CA8: variants seen among roughly 807,000 people sequenced by gnomAD.
CA8 encodes the protein carbonic anhydrase-related protein.
Under a neutral mutation model 41.4 loss-of-function variants are expected in CA8, and 22 were observed. The observed-to-expected ratio is 0.53, with a 90% CI of 0.38 to 0.76. The LOEUF is 0.76. CA8 is among the 30% of genes least tolerant of loss of function. The probability of loss-of-function intolerance (pLI) is 0.00; values close to 1 mark genes in which losing one functional copy is unlikely to be tolerated. For synonymous variants in CA8, 121 were observed against 130.6 expected (o/e 0.93, Z 0.50); for missense variants, 270 against 352.8 (o/e 0.77, Z 1.88).
chr8:60,238,477 T>C lies in CA8; in HGVS notation c.418-6098A>G, dbSNP rs1004729210. On this transcript the variant is annotated intron_variant, in intron 3 of 8. Coordinates refer to ENST00000317995, the MANE Select transcript of CA8 (RefSeq NM_004056.6). The stretch of plus-strand genomic sequence containing the variant: ...CTTCTTGACACCTCAAGATGAACAT[T>C]TCTACAACTGACATCAACCCTCTTC... Among the ~76,000 whole-genome samples, 8 of 152,066 alleles carry C rather than the reference T, an allele frequency of 5.3e-5. 1 individual carries two copies. In the East Asian group the frequency reaches 1.5e-3, roughly 29 times the overall value.
At chr8:60,198,282 C>T (rs1292917871) in intron 8 of CA8, among the ~76,000 whole-genome samples, 3 of 152,078 alleles carry the variant, frequency 2.0e-5, no homozygotes, top group Non-Finnish European at 4.4e-5. Context: ...AGGATTGTTA[C>T]GAGGACTAAA....
chr8:60,224,442 T>G, intron 6 of CA8, 95 bp downstream of exon 6: 2 of 781,682 alleles, frequency 2.6e-6, no homozygotes, highest in South Asian at 3.1e-5. Flanking sequence ...ATAAGTTTTA[T>G]TAATTAACAA....
At chr8:60,218,640 G>A (rs1336070062) in intron 7 of CA8, among the ~76,000 whole-genome samples, 2 of 152,266 alleles carry the variant, frequency 1.3e-5, no homozygotes, top group African/African-American at 4.8e-5. Flanking sequence ...GAATGCATTC[G>A]AGTATCATAA....
At position 60,190,938 on chromosome 8, in the gene CA8, C is replaced by CTA. The variant is rs35486936; in HGVS notation, c.*36-955_*36-954dup. ...GTGGACACACCTGCACACACACACA[C>CTA]TATATATATATATATATATACACAC... On this transcript the variant is annotated intron_variant, in intron 8 of 8. Transcript: ENST00000317995. Among the ~76,000 whole-genome samples the CTA allele has an allele frequency of 3.1e-3, 367 of 117,338 alleles. 18 individuals are homozygous for CTA. The South Asian group carries it at 0.033, about 11-fold the overall frequency. The allele number at this position is 117,338 out of a possible 152,430, so 77.0% of individuals were successfully genotyped here. A position where few individuals can be genotyped will look rare whatever the true frequency, so the allele number is the denominator to read the frequency against.
intron 3 of CA8, among the ~76,000 whole-genome samples, chr8:60,257,656 C>G (rs185393244): frequency 6.6e-6 from 1 of 152,302 alleles, no homozygotes; most frequent in Non-Finnish European, 1.5e-5. Context: ...AACTCTTCCC[C>G]ATCAAGAAAA....
intron 3 of CA8, among the ~76,000 whole-genome samples, chr8:60,251,012 T>C (rs1464103418): frequency 6.6e-6 from 1 of 152,176 alleles, no homozygotes; most frequent in Non-Finnish European, 1.5e-5. Context: ...ATAATAGCTA[T>C]ATATATATTT....
chr8:60,212,812 A>T (rs1262271748), intron 7 of CA8, among the ~76,000 whole-genome samples: 1 of 152,198 alleles, frequency 6.6e-6, no homozygotes, highest in Non-Finnish European at 1.5e-5. Context: ...GACCCAGTAA[A>T]ATATTTTAAC....
At chr8:60,190,957 T>TATATATATATATAAATATATATACACAC in intron 8 of CA8, among the ~76,000 whole-genome samples, 1 of 104,244 alleles carries the variant, frequency 9.6e-6, no homozygotes, top group South Asian at 3.1e-4. Context: ...TATATATATA[T>TATATATATATATAAATATATATACACAC]ACACACACAC....
chr8:60,213,579 G>A (rs1806914697), intron 7 of CA8, among the ~76,000 whole-genome samples: 1 of 152,202 alleles, frequency 6.6e-6, no homozygotes. Context: ...AATTTGGCTT[G>A]TCCAATCTGA....
At chr8:60,226,429 A>C (rs1052462989) in intron 5 of CA8, among the ~76,000 whole-genome samples, 1 of 152,210 alleles carries the variant, frequency 6.6e-6, no homozygotes, top group Non-Finnish European at 1.5e-5. Flanking sequence ...GATGCTGACA[A>C]TGTGACTTAT....
chr8:60,225,482 G>A (rs1807401656), intron 5 of CA8, among the ~76,000 whole-genome samples: 1 of 152,146 alleles, frequency 6.6e-6, no homozygotes, highest in Admixed American at 6.5e-5. Flanking sequence ...CACTGCAGTT[G>A]TACAAATATA....
chr8:60,215,783 A>C (rs1261550720), intron 7 of CA8, among the ~76,000 whole-genome samples: 1 of 152,126 alleles, frequency 6.6e-6, no homozygotes, highest in Non-Finnish European at 1.5e-5. Flanking sequence ...TGGGCTTAAC[A>C]GTCCACACTA....
At chr8:60,209,654 T>A (rs745354200) in intron 7 of CA8, among the ~76,000 whole-genome samples, 2 of 152,246 alleles carry the variant, frequency 1.3e-5, no homozygotes, top group Non-Finnish European at 2.9e-5. Flanking sequence ...ATTTATCAGA[T>A]AGATTCAAGG....
At chr8:60,206,541 G>GC (rs1403985088) in intron 8 of CA8, among the ~76,000 whole-genome samples, 1 of 152,118 alleles carries the variant, frequency 6.6e-6, no homozygotes, top group African/African-American at 2.4e-5. Flanking sequence ...CTGGAGAAAT[G>GC]CATAAATTCA....
intron 7 of CA8, among the ~76,000 whole-genome samples, chr8:60,215,578 T>C (rs1463006614): frequency 1.3e-5 from 2 of 152,102 alleles, no homozygotes; most frequent in East Asian, 3.9e-4. Context: ...AAAATTTTAA[T>C]AAAGTTATGT....
At chr8:60,279,192 G>C (rs1804331879) in intron 2 of CA8, among the ~76,000 whole-genome samples, 1 of 152,142 alleles carries the variant, frequency 6.6e-6, no homozygotes, top group African/African-American at 2.4e-5. Flanking sequence ...TTTAGAGGCT[G>C]TTTCTTATTG....
Position 60,218,443 on chromosome 8 carries a change from CAAAT to C in CA8, c.738+4202_738+4205del, listed in dbSNP as rs200609206. On this transcript the variant is annotated intron_variant, in intron 7 of 8. Coordinates refer to ENST00000317995, the MANE Select transcript of CA8 (RefSeq NM_004056.6). ...CACATAGCAAATGTCGAATAATTGCCAAATAAATGAATGAATGAATGCATGCATT... is the reference window on the plus strand; with the variant it reads ...CACATAGCAAATGTCGAATAATTGCCAAATGAATGAATGAATGCATGCATT... Among the ~76,000 whole-genome samples, 182 of 152,030 alleles carry C rather than the reference CAAAT, an allele frequency of 1.2e-3. 1 individual carries two copies. The East Asian group carries it at 0.028, about 23-fold the overall frequency.
chr8:60,254,802 A>T (rs111592096), intron 3 of CA8, among the ~76,000 whole-genome samples: 2 of 152,160 alleles, frequency 1.3e-5, no homozygotes, highest in African/African-American at 4.8e-5. Context: ...ACAAATAAGC[A>T]AGCCCTGGAT....
Position 60,254,768 on chromosome 8 carries a change from C to T in CA8, c.417+11157G>A, listed in dbSNP as rs180762268. Among the ~76,000 whole-genome samples, 446 of 152,244 alleles carry T rather than the reference C, an allele frequency of 2.9e-3. 3 individuals carry two copies. Among genetic ancestry groups the T allele is most frequent in the African/African-American group, 0.01 (422 of 41,540 alleles). ...AGATGGTAAATTGCACAAAAACCCACCCAAGTAAATTAGAAAAGAAAAAAC... is the reference window on the plus strand; with the variant it reads ...AGATGGTAAATTGCACAAAAACCCATCCAAGTAAATTAGAAAAGAAAAAAC... On this transcript the variant is annotated intron_variant, in intron 3 of 8. Coordinates refer to ENST00000317995, the MANE Select transcript of CA8 (RefSeq NM_004056.6).
Sources: allele counts gnomAD v4.1 joint callset (sites outside exome capture counted in the v4.1 genomes callset), GRCh38; gene constraint gnomAD v4.1.1; transcripts MANE v1.5; gene names NCBI Gene and HGNC (gene_info 2026-07-23, HGNC 2026-07-21).